GUCY2F: variants seen among roughly 807,000 people sequenced by gnomAD.
GUCY2F encodes the protein guanylate cyclase 2F, retinal.
In GUCY2F, 61 loss-of-function variants were observed where a neutral mutation model predicts 73.1. The observed-to-expected ratio is 0.83, with a 90% CI of 0.68 to 1.03. GUCY2F has a LOEUF of 1.03. Among genes scored for constraint, GUCY2F ranks in the 50% least tolerant of loss-of-function variants. The pLI is 0.00. For synonymous variants in GUCY2F, 331 were observed against 307.8 expected (o/e 1.08, Z -0.79); for missense variants, 912 against 854.3 (o/e 1.07, Z -0.84).
chrX:109,470,467 G>T (rs941003201), intron 2 of GUCY2F, among the ~76,000 whole-genome samples: 5 of 111,795 alleles, frequency 4.5e-5, no homozygotes, highest in African/African-American at 1.6e-4. Flanking sequence ...CTGACACCTG[G>T]TACGTTGAGG....
chrX:109,391,875 T>G, intron 14 of GUCY2F, 36 bp downstream of exon 14: 1 of 959,205 alleles, frequency 1.0e-6, no homozygotes, highest in East Asian at 3.2e-5. Context: ...TATAAAAATT[T>G]CACTATGGAA....
chrX:109,451,760 C>A (rs908295831), intron 5 of GUCY2F, among the ~76,000 whole-genome samples: 1 of 111,500 alleles, frequency 9.0e-6, no homozygotes, highest in African/African-American at 3.3e-5. Flanking sequence ...AGTACTAGTT[C>A]TCTTATTTCA....
intron 12 of GUCY2F, among the ~76,000 whole-genome samples, chrX:109,394,674 A>G (rs1055303272): frequency 8.9e-6 from 1 of 112,100 alleles, no homozygotes; most frequent in Non-Finnish European, 1.9e-5. Flanking sequence ...TAGCTTCCAC[A>G]GCAGGGCTCA....
intron 7 of GUCY2F, 87 bp from the exon 8 acceptor site, chrX:109,430,483 T>C: frequency 3.6e-6 from 2 of 548,349 alleles, no homozygotes; most frequent in Non-Finnish European, 3.1e-6. Context: ...AAAGGGTTTA[T>C]ACCTATACCA....
At chrX:109,374,894 T>C (rs1930140519) in intron 19 of GUCY2F, among the ~76,000 whole-genome samples, 1 of 111,913 alleles carries the variant, frequency 8.9e-6, no homozygotes, top group East Asian at 2.8e-4. Context: ...GTTGTAGAAA[T>C]GAAGATGCAT....
chrX:109,386,418 G>C (rs756208982), intron 15 of GUCY2F, among the ~76,000 whole-genome samples: 1 of 111,308 alleles, frequency 9.0e-6, no homozygotes, highest in African/African-American at 3.3e-5. Flanking sequence ...TAAATCAAAG[G>C]CTTGTGGTTG....
Position 109,382,324 on chromosome X carries a change from C to T in GUCY2F, c.3056-112G>A, listed in dbSNP as rs897560536. ...TGTAAATGAACTAGACCATTAGCAA[C>T]GTCCTGAGAGAGGTTTACTTAGGGT... On this transcript the variant is annotated intron_variant, in intron 16 of 19. Coordinates refer to ENST00000218006, the MANE Select transcript of GUCY2F (RefSeq NM_001522.3). 21 of 492,185 alleles carry T rather than the reference C, an allele frequency of 4.3e-5. No individual in the cohort carries two copies. In the South Asian group the frequency reaches 5.0e-4, roughly 12 times the overall value. The allele number at this position is 492,185 out of a possible 1,213,427, so 40.6% of individuals were successfully genotyped here. A position where few individuals can be genotyped will look rare whatever the true frequency, so the allele number is the denominator to read the frequency against.
intron 2 of GUCY2F, among the ~76,000 whole-genome samples, chrX:109,470,314 G>T (rs928146439): frequency 8.9e-6 from 1 of 111,780 alleles, no homozygotes; most frequent in African/African-American, 3.3e-5. Flanking sequence ...ATTCATGAAA[G>T]CCAGTTGTCC....
intron 8 of GUCY2F, among the ~76,000 whole-genome samples, chrX:109,430,020 A>G (rs1257169441): frequency 8.9e-6 from 1 of 112,502 alleles, no homozygotes; most frequent in Non-Finnish European, 1.9e-5. Flanking sequence ...AGACATTAAT[A>G]TAACCCTTTT....
At position 109,465,248 on chromosome X, in the gene GUCY2F, T is replaced by C. The variant is rs748195906; in HGVS notation, c.926A>G (p.Asp309Gly). Residue 309 changes from aspartate (D) to glycine (G), a missense_variant, in exon 3 of 20, where the codon GAT becomes GGT. Physicochemically the swap from Asp to Gly is moderately conservative, Grantham distance 94. Transcript: ENST00000218006. Reference sequence around the variant, plus strand: ...CTCCACTGTAATGGTCAACACTGCATCATAGGCTTCCCGGAGCTTTGGGTT... The same window carrying C: ...CTCCACTGTAATGGTCAACACTGCACCATAGGCTTCCCGGAGCTTTGGGTT... ...RNNPKLREAY[D>G]AVLTITVESQ... 8.3e-7 allele frequency: 1 copy of C among 1,207,549 alleles called. No homozygotes were observed. The highest frequency in any genetic ancestry group is 1.8e-5 in the South Asian group (1 of 56,750).
chrX:109,415,713 C>A (rs1056557310), intron 8 of GUCY2F, among the ~76,000 whole-genome samples: 1 of 112,142 alleles, frequency 8.9e-6, no homozygotes, highest in African/African-American at 3.2e-5. Flanking sequence ...CAGCTTCAAT[C>A]CTGCTCAATC....
intron 10 of GUCY2F, among the ~76,000 whole-genome samples, chrX:109,401,427 C>T (rs1419135001): frequency 8.9e-6 from 1 of 111,972 alleles, no homozygotes; most frequent in African/African-American, 3.3e-5. Flanking sequence ...CCTTGGCTTC[C>T]CTATCTATAA....
chrX:109,386,637 G>GA (rs1476203120), intron 15 of GUCY2F, among the ~76,000 whole-genome samples: 1 of 111,607 alleles, frequency 9.0e-6, no homozygotes. Flanking sequence ...GTAAAACCAG[G>GA]AAAACCCTCC....
chrX:109,375,796 A>C, intron 19 of GUCY2F, 102 bp downstream of exon 19: 1 of 604,497 alleles, frequency 1.7e-6, no homozygotes, highest in Admixed American at 2.3e-5. Flanking sequence ...CCATCACACT[A>C]TGCCAACAGA....
intron 6 of GUCY2F, among the ~76,000 whole-genome samples, chrX:109,447,662 T>C (rs1349851070): frequency 1.9e-5 from 2 of 103,475 alleles, no homozygotes; most frequent in Non-Finnish European, 4.0e-5. Context: ...CATTAGGAGA[T>C]ATACCTAATG....
At chrX:109,447,813 TA>T (rs1359427535) in intron 6 of GUCY2F, among the ~76,000 whole-genome samples, 2 of 111,600 alleles carry the variant, frequency 1.8e-5, no homozygotes, top group Non-Finnish European at 1.9e-5. Context: ...AAATTAACTT[TA>T]ATAATATACT....
In GUCY2F at chrX:109,392,912, A is replaced by C; in HGVS notation, c.2568T>G (p.Leu856=). The C allele has an allele frequency of 8.4e-7, 1 of 1,188,693 alleles. No individual in the cohort carries two copies. ...CATACGGTGGTAGCATCTGTGTTAG[A>C]AGCTTTTCCGTTTTCTGTTTTTCAA... ...LEIEKQKTEK[L]LTQMLPPSVA... Residue 856 remains leucine, a synonymous_variant, in exon 13 of 20, where the codon CTT becomes CTG. Coordinates refer to ENST00000218006, the MANE Select transcript of GUCY2F (RefSeq NM_001522.3).
At chrX:109,434,725 G>T (rs1931697492) in intron 7 of GUCY2F, among the ~76,000 whole-genome samples, 1 of 110,385 alleles carries the variant, frequency 9.1e-6, no homozygotes, top group Non-Finnish European at 1.9e-5. Flanking sequence ...GAATGGTAAA[G>T]CCTAGGTTTT....
chrX:109,476,829 A>G (rs190059737), intron 1 of GUCY2F, among the ~76,000 whole-genome samples: 43 of 108,245 alleles, frequency 4.0e-4, no homozygotes, highest in Non-Finnish European at 7.4e-4. Context: ...ATATATGTGT[A>G]TATATATATG....
Sources: gnomAD v4.1 joint callset for allele counts (sites outside exome capture counted in the v4.1 genomes callset) on GRCh38, gnomAD v4.1.1 for gene constraint, MANE v1.5 for transcripts, NCBI Gene and HGNC (gene_info 2026-07-23, HGNC 2026-07-21) for gene names.